The following OR51B5 variants were observed in gnomAD, a reference collection of about 807,000 sequenced individuals.
The protein encoded by OR51B5 is olfactory receptor 51B5.
For synonymous variants in OR51B5, 186 were observed against 144.8 expected (o/e 1.28, Z -2.04); for missense variants, 456 against 374.6 (o/e 1.22, Z -1.79).
At chr11:5,468,937 G>A (rs1232207054) in intron 1 of OR51B5, 1 of 354,396 alleles carries the variant, frequency 2.8e-6, no homozygotes, top group Non-Finnish European at 5.6e-6. Context: ...TCAGGAGGAA[G>A]GGAAGTGGGA....
At chr11:5,404,288 T>A (rs1208994954) in intron 1 of OR51B5, among the ~76,000 whole-genome samples, 1 of 151,686 alleles carries the variant, frequency 6.6e-6, no homozygotes, top group East Asian at 1.9e-4. Flanking sequence ...GCACTCTGTG[T>A]CTAGCTAATC....
chr11:5,421,229 G>T (rs114442979), intron 1 of OR51B5, among the ~76,000 whole-genome samples: 1 of 152,140 alleles, frequency 6.6e-6, no homozygotes, highest in African/African-American at 2.4e-5. Context: ...ATCCTGAAGC[G>T]ACCTGCCACA....
chr11:5,389,783 A>T (rs773519529), intron 1 of OR51B5: 2 of 1,613,952 alleles, frequency 1.2e-6, no homozygotes, highest in East Asian at 2.2e-5. Flanking sequence ...AGTGCTCCTC[A>T]TGATGTCCTT....
chr11:5,407,377 C>G (rs1317802939), intron 1 of OR51B5, among the ~76,000 whole-genome samples: 2 of 152,174 alleles, frequency 1.3e-5, no homozygotes, highest in Admixed American at 1.3e-4. Context: ...TGAGTTTCAG[C>G]TGCCTTAAAT....
upstream of OR51B5, among the ~76,000 whole-genome samples, chr11:5,343,968 C>T (rs1848949303): frequency 6.6e-6 from 1 of 152,150 alleles, no homozygotes; most frequent in Admixed American, 6.6e-5. Context: ...ATCCCTAATC[C>T]ACATTTTCCT....
chr11:5,343,427 T>G (rs753485829), exon 1 of OR51B5: 15 of 1,612,226 alleles, frequency 9.3e-6, no homozygotes, highest in Non-Finnish European at 1.2e-5. Flanking sequence ...GATGGATATA[T>G]ACATGAACAA....
chr11:5,477,124 T>A (rs939280096), intron 1 of OR51B5, among the ~76,000 whole-genome samples: 1 of 152,204 alleles, frequency 6.6e-6, no homozygotes. Flanking sequence ...ATGTTTATGA[T>A]ATGGATTGTA....
intron 1 of OR51B5, among the ~76,000 whole-genome samples, chr11:5,380,690 A>C (rs1436217223): frequency 3.9e-5 from 6 of 152,312 alleles, no homozygotes; most frequent in East Asian, 1.9e-4. Context: ...AAGAAAACCT[A>C]TCTCTCTCCA....
chr11:5,450,459 T>A (rs553038774), intron 1 of OR51B5, among the ~76,000 whole-genome samples: 43 of 152,238 alleles, frequency 2.8e-4, no homozygotes, highest in African/African-American at 9.4e-4. Flanking sequence ...AATAGATATT[T>A]CTACGCTTAT....
intron 1 of OR51B5, among the ~76,000 whole-genome samples, chr11:5,469,630 G>A (rs2467218): frequency 0.19 from 28,392 of 152,086 alleles, 2,956 homozygotes; most frequent in African/African-American, 0.27. Flanking sequence ...GATCTGTCAT[G>A]AGCTCCAGGT....
rs1470395039 is a variant in OR51B5, at chr11:5,500,419, T to C, written n.84+5150A>G. On this transcript the variant is annotated intron_variant and non_coding_transcript_variant, in intron 1 of 4. Transcript: ENST00000415970. ...GACAACTGTAAAATACCAATTATAT[T>C]GCTAGTGTGAAAACTGTCGGTACCA... 3.3e-5 allele frequency among the ~76,000 whole-genome samples: 4 copies of C among 121,166 alleles called. 1 individual carries two copies. Among genetic ancestry groups the C allele is most frequent in the South Asian group, 2.4e-4 (1 of 4,218 alleles). The allele number at this position is 121,166 out of a possible 152,430, so 79.5% of individuals were successfully genotyped here. A position where few individuals can be genotyped will look rare whatever the true frequency, so the allele number is the denominator to read the frequency against.
intron 1 of OR51B5, among the ~76,000 whole-genome samples, chr11:5,463,193 C>T (rs1293661731): frequency 6.6e-6 from 1 of 152,172 alleles, no homozygotes; most frequent in African/African-American, 2.4e-5. Flanking sequence ...TTAATTAGTT[C>T]ATTTGATTTG....
intron 1 of OR51B5, among the ~76,000 whole-genome samples, chr11:5,436,706 C>T (rs1850600830): frequency 6.6e-6 from 1 of 152,140 alleles, no homozygotes; most frequent in African/African-American, 2.4e-5. Flanking sequence ...CATACACAGG[C>T]ATTGATAGAG....
chr11:5,375,250 G>C (rs556059561), intron 1 of OR51B5, among the ~76,000 whole-genome samples: 131 of 150,068 alleles, frequency 8.7e-4, no homozygotes, highest in African/African-American at 3.1e-3. Context: ...ATAAGTGAAG[G>C]AGAAATAAAA....
intron 1 of OR51B5, among the ~76,000 whole-genome samples, chr11:5,413,584 T>C (rs1773397700): frequency 6.6e-6 from 1 of 152,030 alleles, no homozygotes; most frequent in African/African-American, 2.4e-5. Flanking sequence ...AGAGAAGTGC[T>C]TAAAGGAGCT....
intron 1 of OR51B5, chr11:5,389,634 C>T (rs1849759705): frequency 6.2e-7 from 1 of 1,613,646 alleles, no homozygotes; most frequent in Non-Finnish European, 8.5e-7. Flanking sequence ...TCCTTGCTGG[C>T]CCTCACTGAC....
chr11:5,427,315 C>T (rs1482825206), intron 1 of OR51B5, among the ~76,000 whole-genome samples: 3 of 152,198 alleles, frequency 2.0e-5, no homozygotes, highest in African/African-American at 7.2e-5. Context: ...GAAAGTGAGG[C>T]GTTCTCCCTG....
chr11:5,348,887 TA>T (rs1352843510), intron 1 of OR51B5, among the ~76,000 whole-genome samples: 1 of 150,822 alleles, frequency 6.6e-6, no homozygotes, highest in East Asian at 1.9e-4. Flanking sequence ...GGTAAGGGGG[TA>T]AAAAAAGGAT....
intron 1 of OR51B5, among the ~76,000 whole-genome samples, chr11:5,425,936 A>G (rs1850443022): frequency 6.6e-6 from 1 of 152,226 alleles, no homozygotes; most frequent in Admixed American, 6.5e-5. Context: ...TAAAAAGAAA[A>G]GAGACAGAAA....
Sources: allele counts gnomAD v4.1 joint callset (sites outside exome capture counted in the v4.1 genomes callset), GRCh38; gene constraint gnomAD v4.1.1; transcripts MANE v1.5; gene names NCBI Gene and HGNC (gene_info 2026-07-23, HGNC 2026-07-21).